XPR1: variants seen among roughly 807,000 people sequenced by gnomAD.
XPR1 encodes the protein solute carrier family 53 member 1.
Under a neutral mutation model 87.5 loss-of-function variants are expected in XPR1, and 28 were observed. The ratio of observed to expected loss-of-function variants is 0.32; its 90% CI spans 0.24 to 0.44. The LOEUF (loss-of-function observed/expected upper bound fraction) is 0.44, where lower values mean the gene tolerates loss of function less well. Among genes scored for constraint, XPR1 ranks in the 20% least tolerant of loss-of-function variants. The probability of loss-of-function intolerance (pLI) is 1.00; values close to 1 mark genes in which losing one functional copy is unlikely to be tolerated. For synonymous variants in XPR1, 300 were observed against 306.1 expected, an observed-to-expected ratio of 0.98 and a Z score of 0.21; for missense variants, 559 against 862.3, an observed-to-expected ratio of 0.65 and a Z score of 4.41.
At position 180,743,728 on chromosome 1, in the gene XPR1, C is replaced by T. The variant is rs953979722; in HGVS notation, c.122-44025C>T. 2.0e-5 allele frequency among the ~76,000 whole-genome samples: 3 copies of T among 152,126 alleles called. No individual in the cohort carries two copies. The South Asian group carries it at 6.2e-4, about 31-fold the overall frequency. ...TCTTTCTCTGAGATTATCTTTATTT[C>T]ACCTTCATTCCTGAAGGATGTTTTC... On this transcript the variant is annotated intron_variant, in intron 2 of 14. Transcript: ENST00000367590.
chr1:180,727,550 G>T (rs1450523411), intron 2 of XPR1, among the ~76,000 whole-genome samples: 1 of 152,010 alleles, frequency 6.6e-6, no homozygotes, highest in African/African-American at 2.4e-5. Context: ...AGGCTGAGAC[G>T]GGAGAATCAC....
chr1:180,676,396 C>A (rs969519838), intron 1 of XPR1, among the ~76,000 whole-genome samples: 3 of 152,140 alleles, frequency 2.0e-5, no homozygotes. Flanking sequence ...TTATTTGTTC[C>A]TATAATGGAT....
At chr1:180,712,839 A>G (rs965940799) in intron 2 of XPR1, among the ~76,000 whole-genome samples, 3 of 151,950 alleles carry the variant, frequency 2.0e-5, no homozygotes, top group South Asian at 2.1e-4. Flanking sequence ...AAAATAAAAA[A>G]ATAAATCAGT....
In XPR1 at chr1:180,795,057, T is replaced by C. The variant is rs72723028; in HGVS notation, c.223+7203T>C. Among the ~76,000 whole-genome samples the C allele has an allele frequency of 8.7e-3, 1,323 of 152,322 alleles. 6 individuals are homozygous for C. The highest frequency in any genetic ancestry group is 0.017 in the Middle Eastern group (5 of 294). ...GTGATGGGTCAACATTCTCATAAAC[T>C]TACTTTATATTTTGAATAACACCAA... On this transcript the variant is annotated intron_variant, in intron 3 of 14. Coordinates refer to ENST00000367590, the MANE Select transcript of XPR1 (RefSeq NM_004736.4).
intron 1 of XPR1, among the ~76,000 whole-genome samples, chr1:180,661,635 C>CA (rs1270181618): frequency 6.6e-6 from 1 of 151,722 alleles, no homozygotes; most frequent in Admixed American, 6.6e-5. Context: ...TTTGGGAGGC[C>CA]AAGGGGGGCA....
chr1:180,677,561 G>C (rs1159576182), intron 1 of XPR1, among the ~76,000 whole-genome samples: 1 of 152,132 alleles, frequency 6.6e-6, no homozygotes, highest in East Asian at 1.9e-4. Flanking sequence ...AAGTATCTCA[G>C]GCACTGATCT....
chr1:180,726,961 G>A (rs1266233720), intron 2 of XPR1, among the ~76,000 whole-genome samples: 3 of 151,084 alleles, frequency 2.0e-5, no homozygotes, highest in Admixed American at 1.3e-4. Context: ...TGCAAGCTCC[G>A]CCTCCTGGGT....
chr1:180,655,906 G>T (rs1170623769), intron 1 of XPR1, among the ~76,000 whole-genome samples: 2 of 151,790 alleles, frequency 1.3e-5, no homozygotes, highest in African/African-American at 2.4e-5. Context: ...TGTAATATTT[G>T]TCAGGGTAAA....
intron 3 of XPR1, among the ~76,000 whole-genome samples, chr1:180,789,573 T>G (rs919213577): frequency 6.6e-6 from 1 of 152,132 alleles, no homozygotes; most frequent in African/African-American, 2.4e-5. Context: ...TTCCTACTCT[T>G]TTTTTGTCTT....
At chr1:180,696,147 T>C (rs1365352803) in intron 2 of XPR1, among the ~76,000 whole-genome samples, 1 of 149,134 alleles carries the variant, frequency 6.7e-6, no homozygotes, top group East Asian at 2.0e-4. Flanking sequence ...TTTGCCTCCT[T>C]CGTTAAATTT....
In XPR1 at chr1:180,656,453, A is replaced by ACATTATATATAATATT. The variant is rs1557941429; in HGVS notation, c.69+24183_69+24184insCATTATATATAATATT. On this transcript the variant is annotated intron_variant, in intron 1 of 14. Transcript: ENST00000367590. ...TATATATTTATATATAAATATTTAT[A>ACATTATATATAATATT]TATTTATATATAATATTTATACATT... Among the ~76,000 whole-genome samples the ACATTATATATAATATT allele has an allele frequency of 8.3e-4, 27 of 32,582 alleles. 1 individual carries two copies. Among genetic ancestry groups the ACATTATATATAATATT allele is most frequent in the African/African-American group, 2.5e-3 (19 of 7,558 alleles). The allele number at this position is 32,582 out of a possible 152,430, so 21.4% of individuals were successfully genotyped here. A position where few individuals can be genotyped will look rare whatever the true frequency, so the allele number is the denominator to read the frequency against.
At chr1:180,848,599 A>G (rs1038725432) in intron 11 of XPR1, among the ~76,000 whole-genome samples, 3 of 151,964 alleles carry the variant, frequency 2.0e-5, no homozygotes, top group African/African-American at 7.2e-5. Flanking sequence ...TATCTTGGCT[A>G]TTGTGAATAG....
At chr1:180,855,677 AGTG>A (rs1652004620) in intron 11 of XPR1, among the ~76,000 whole-genome samples, 1 of 147,794 alleles carries the variant, frequency 6.8e-6, no homozygotes, top group South Asian at 2.3e-4. Flanking sequence ...AAAAAAAAAA[AGTG>A]GGGGGAGGGG....
intron 2 of XPR1, among the ~76,000 whole-genome samples, chr1:180,688,460 A>G (rs555592267): frequency 1.8e-4 from 27 of 152,180 alleles, no homozygotes; most frequent in Non-Finnish European, 3.8e-4. Flanking sequence ...AAGACTTGTA[A>G]ATATAGAATA....
intron 2 of XPR1, among the ~76,000 whole-genome samples, chr1:180,685,303 T>C (rs138645996): frequency 0.011 from 1,742 of 152,370 alleles, 38 homozygotes; most frequent in African/African-American, 0.039. Flanking sequence ...GATTTGCGTA[T>C]GTTGAACCAG....
intron 1 of XPR1, among the ~76,000 whole-genome samples, chr1:180,660,030 G>C (rs775613171): frequency 5.3e-5 from 8 of 152,046 alleles, no homozygotes; most frequent in Non-Finnish European, 8.8e-5. Context: ...TTTTATTACA[G>C]CTTCAATCTT....
intron 1 of XPR1, among the ~76,000 whole-genome samples, chr1:180,672,545 T>C (rs1656216147): frequency 6.6e-6 from 1 of 152,170 alleles, no homozygotes; most frequent in African/African-American, 2.4e-5. Context: ...ATGTCCTCTT[T>C]TGAGGTTTAT....
chr1:180,855,743 T>A (rs1207815552), intron 11 of XPR1, among the ~76,000 whole-genome samples: 1 of 152,070 alleles, frequency 6.6e-6, no homozygotes, highest in East Asian at 1.9e-4. Flanking sequence ...ACTCAGCCTT[T>A]TCCTCTTTAT....
chr1:180,698,464 G>C (rs964335519), intron 2 of XPR1, among the ~76,000 whole-genome samples: 30 of 152,038 alleles, frequency 2.0e-4, no homozygotes, highest in African/African-American at 7.2e-4. Flanking sequence ...CTGTAATTTT[G>C]TTCATTATTT....
Sources: gnomAD v4.1 joint callset for allele counts (sites outside exome capture counted in the v4.1 genomes callset) on GRCh38, gnomAD v4.1.1 for gene constraint, MANE v1.5 for transcripts, NCBI Gene and HGNC (gene_info 2026-07-23, HGNC 2026-07-21) for gene names.